The following CEP44 variants were observed in gnomAD, a reference collection of about 807,000 sequenced individuals.
The protein encoded by CEP44 is centrosomal protein of 44 kDa.
In CEP44, 45 loss-of-function variants were observed where a neutral mutation model predicts 46.7. That is an observed-to-expected ratio of 0.96 (90% CI 0.76 to 1.24). CEP44 has a LOEUF of 1.24. CEP44 is among the 50% of genes most tolerant of loss of function. CEP44 has a pLI of 0.00. For synonymous variants in CEP44, 142 were observed against 146.0 expected (o/e 0.97, Z 0.20); for missense variants, 475 against 459.7 (o/e 1.03, Z -0.30).
Position 174,309,903 on chromosome 4 carries a change from C to G in CEP44, c.732C>G (p.Cys244Trp), listed in dbSNP as rs1441913195. ...CACTACAAACTATGCTTGCTGAATG[C>G]CAAGAAAATCTTAAGAAACTGACTT... Reference protein sequence around the residue: ...ITALQTMLAECQENLKKLTSI... With the variant: ...ITALQTMLAEWQENLKKLTSI... Residue 244 changes from cysteine to tryptophan, a missense_variant, in exon 8 of 12, where the codon TGC becomes TGG. Cys to Trp is a radical substitution (Grantham distance 215). Transcript: ENST00000503780. The surrounding 1 kb of genome is among the most constrained non-coding windows in gnomAD (Gnocchi z 5.3). 1 of 1,612,012 alleles carries G rather than the reference C, an allele frequency of 6.2e-7. No individual in the cohort carries two copies. Among genetic ancestry groups the G allele is most frequent in the Non-Finnish European group, 8.5e-7 (1 of 1,178,796 alleles).
In CEP44 at chr4:174,286,574, T is replaced by C. The variant is rs1737608675; in HGVS notation, c.-148+2631T>C. Among the ~76,000 whole-genome samples the C allele has an allele frequency of 6.6e-6, 1 of 152,182 alleles. No individual in the cohort carries two copies. Among genetic ancestry groups the C allele is most frequent in the African/African-American group, 2.4e-5 (1 of 41,444 alleles). The stretch of plus-strand genomic sequence containing the variant: ...GATGTTTTTATGTAAGTTATTGAGT[T>C]TCACGTTACTGGCTGACTAGACTTT... On this transcript the variant is annotated intron_variant, in intron 1 of 11. Coordinates refer to ENST00000503780, the MANE Select transcript of CEP44 (RefSeq NM_001040157.3). This position sits in a 1 kb window ranked among gnomAD's most constrained non-coding sequence, Gnocchi z 5.2.
At chr4:174,307,844 A>G (rs1740609269) in intron 6 of CEP44, among the ~76,000 whole-genome samples, 1 of 152,198 alleles carries the variant, frequency 6.6e-6, no homozygotes, top group Non-Finnish European at 1.5e-5. Flanking sequence ...GCAGCCAATA[A>G]TCACATGAAA....
rs964729745 is a variant in CEP44, at chr4:174,326,116, A to G, written c.1087-5366A>G. ...CTTATATTTGTTTTCTGTTTTTATCATTTGTTCTTAGCTGCTTTTTTGCCT... is the reference window on the plus strand; with the variant it reads ...CTTATATTTGTTTTCTGTTTTTATCGTTTGTTCTTAGCTGCTTTTTTGCCT... On this transcript the variant is annotated intron_variant, in intron 8 of 8. Coordinates refer to the CEP44 transcript ENST00000426172. This position sits in a 1 kb window ranked among gnomAD's most constrained non-coding sequence, Gnocchi z 4.8. Among the ~76,000 whole-genome samples the G allele has an allele frequency of 6.6e-6, 1 of 151,548 alleles. No individual in the cohort carries two copies. Among genetic ancestry groups the G allele is most frequent in the Non-Finnish European group, 1.5e-5 (1 of 67,858 alleles).
intron 3 of CEP44, among the ~76,000 whole-genome samples, chr4:174,300,269 G>A (rs1423645662): frequency 6.6e-6 from 1 of 152,118 alleles, no homozygotes; most frequent in Non-Finnish European, 1.5e-5. Context: ...AGAGAGGAGA[G>A]TAAGGAGAAA....
chr4:174,316,392 C>T, intron 10 of CEP44, 102 bp downstream of exon 10: 1 of 1,389,606 alleles, frequency 7.2e-7, no homozygotes, highest in African/African-American at 1.4e-5. Context: ...AAACGCGAAT[C>T]TTAGTCTCTC....
rs1464854048 is a variant in CEP44, at chr4:174,312,537, C to T, written c.961+1679C>T. On this transcript the variant is annotated intron_variant, in intron 9 of 11. Coordinates refer to ENST00000503780, the MANE Select transcript of CEP44 (RefSeq NM_001040157.3). The surrounding 1 kb of genome is among the most constrained non-coding windows in gnomAD (Gnocchi z 4.5). ...CAGGCTGGTCTTGAACTCCTGGGCT[C>T]AAGCAATCCTCCCATCTCTGCTTCT... 2.0e-5 allele frequency among the ~76,000 whole-genome samples: 3 copies of T among 152,092 alleles called. No individual in the cohort carries two copies. In the East Asian group the frequency reaches 5.8e-4, roughly 29 times the overall value.
chr4:174,300,622 A>T (rs1384647762), intron 3 of CEP44, among the ~76,000 whole-genome samples: 2 of 152,126 alleles, frequency 1.3e-5, no homozygotes, highest in Non-Finnish European at 2.9e-5. Flanking sequence ...TAAAATCTGC[A>T]GGGTCTATTG....
At chr4:174,324,556 T>A (rs1270478877), downstream of CEP44, among the ~76,000 whole-genome samples, 1 of 152,184 alleles carries the variant, frequency 6.6e-6, no homozygotes, top group African/African-American at 2.4e-5. Flanking sequence ...AACACTTGAT[T>A]TTGTCAGTCT....
Position 174,319,464 on chromosome 4 carries a change from AAAG to A in CEP44, c.*2084_*2086del, listed in dbSNP as rs1668279872. The stretch of plus-strand genomic sequence containing the variant: ...TCCCTTTTGAAAAATTCAATTTTAA[AAAG>A]AAACATTTTTGAAGTTTTCTTATGG... On this transcript the variant is annotated 3_prime_UTR_variant, in exon 12 of 12. Coordinates refer to ENST00000503780, the MANE Select transcript of CEP44 (RefSeq NM_001040157.3). 1.0e-6 allele frequency: 1 copy of A among 969,802 alleles called. No individual in the cohort carries two copies. The highest frequency in any genetic ancestry group is 1.2e-6 in the Non-Finnish European group (1 of 815,868). 60.1% of individuals were successfully genotyped at this position (969,802 alleles called of 1,614,324 possible).
At chr4:174,315,348 G>C (rs921511243) in intron 9 of CEP44, among the ~76,000 whole-genome samples, 3 of 151,904 alleles carry the variant, frequency 2.0e-5, no homozygotes, top group African/African-American at 7.3e-5. Context: ...TTGTAGGGGA[G>C]ATGCCATCAT....
intron 1 of CEP44, among the ~76,000 whole-genome samples, chr4:174,289,745 T>C (rs1426601013): frequency 6.6e-6 from 1 of 152,126 alleles, no homozygotes; most frequent in Non-Finnish European, 1.5e-5. Flanking sequence ...TCTAATCTAA[T>C]CTTTATTATT....
At chr4:174,303,565 A>G (rs1436655475) in intron 4 of CEP44, 138 bp from the exon 5 acceptor site, 1 of 500,210 alleles carries the variant, frequency 2.0e-6, no homozygotes, top group Non-Finnish European at 3.7e-6. Flanking sequence ...GAATTACTTT[A>G]GTACTCTTTA....
chr4:174,289,588 G>T (rs1423865801), intron 1 of CEP44, among the ~76,000 whole-genome samples: 1 of 151,542 alleles, frequency 6.6e-6, no homozygotes, highest in Non-Finnish European at 1.5e-5. Context: ...GGGATCAATT[G>T]TGTCCTCTTT....
Position 174,307,969 on chromosome 4 carries a change from G to A in CEP44, c.508-720G>A, listed in dbSNP as rs562354508. On this transcript the variant is annotated intron_variant, in intron 6 of 11. Coordinates refer to ENST00000503780, the MANE Select transcript of CEP44 (RefSeq NM_001040157.3). ...AAGTCTAAAAATAACAGATGCTCGT[G>A]AGTTTGTGGAAGAAAAGGAACATTT... Among the ~76,000 whole-genome samples the A allele has an allele frequency of 7.3e-4, 111 of 152,276 alleles. 1 individual carries two copies. The highest frequency in any genetic ancestry group is 1.4e-3 in the Non-Finnish European group (94 of 68,020).
At chr4:174,300,062 A>G (rs1739536424) in intron 3 of CEP44, among the ~76,000 whole-genome samples, 1 of 152,140 alleles carries the variant, frequency 6.6e-6, no homozygotes, top group Non-Finnish European at 1.5e-5. Context: ...AGTTGATTAG[A>G]CATTTATTGA....
chr4:174,291,776 C>CTTTTTTTTTT (rs1738224571), intron 1 of CEP44, among the ~76,000 whole-genome samples: 1 of 84,218 alleles, frequency 1.2e-5, no homozygotes, highest in African/African-American at 4.3e-5. Flanking sequence ...ATTCTTTTAT[C>CTTTTTTTTTT]TTTTTCTTTT....
intron 9 of CEP44, among the ~76,000 whole-genome samples, chr4:174,315,340 G>A (rs1376983393): frequency 6.6e-6 from 1 of 150,456 alleles, no homozygotes; most frequent in African/African-American, 2.5e-5. Context: ...TGATATTTTT[G>A]TAGGGGAGAT....
Position 174,312,122 on chromosome 4 carries a change from T to A in CEP44, c.961+1264T>A, listed in dbSNP as rs575355113. On this transcript the variant is annotated intron_variant, in intron 9 of 11. Transcript: ENST00000503780. The surrounding 1 kb of genome is among the most constrained non-coding windows in gnomAD (Gnocchi z 4.5). ...ATTTGCATATAGTAGAGTTTAAATA[T>A]TTATTCACTGAAAGAATATTGAATG... is the stretch of plus-strand genomic sequence containing the variant. Among the ~76,000 whole-genome samples the A allele has an allele frequency of 6.6e-6, 1 of 152,186 alleles. No homozygotes were observed. Among genetic ancestry groups the A allele is most frequent in the East Asian group, 1.9e-4 (1 of 5,198 alleles).
At chr4:174,315,733 C>T (rs927955326) in intron 9 of CEP44, among the ~76,000 whole-genome samples, 2 of 150,654 alleles carry the variant, frequency 1.3e-5, no homozygotes, top group African/African-American at 4.9e-5. Flanking sequence ...CCCAGCTACT[C>T]GGGAGGCTGA....
Sources: gnomAD v4.1 joint callset for allele counts (sites outside exome capture counted in the v4.1 genomes callset) on GRCh38, gnomAD v4.1.1 for gene constraint, Gnocchi (gnomAD v3.1) non-coding constraint, MANE v1.5 for transcripts, NCBI Gene and HGNC (gene_info 2026-07-23, HGNC 2026-07-21) for gene names.